VPS50: variants seen among roughly 807,000 people sequenced by gnomAD.
VPS50 encodes the protein syndetin.
VPS50 carries 70 observed loss-of-function variants against 139.7 expected under a neutral mutation model. The ratio of observed to expected loss-of-function variants is 0.50; its 90% CI spans 0.41 to 0.61. The LOEUF is 0.61. VPS50 is among the 20% of genes least tolerant of loss of function. The pLI, the probability that VPS50 is intolerant of heterozygous loss-of-function variation, is 0.00. For missense variants in VPS50, 921 were observed against 1,133.7 expected (o/e 0.81, Z 2.69); for synonymous variants, 365 against 376.7 (o/e 0.97, Z 0.36).
At chr7:93,251,221 G>A (rs562660694) in intron 2 of VPS50, among the ~76,000 whole-genome samples, 211 of 152,236 alleles carry the variant, frequency 1.4e-3, no homozygotes, top group Non-Finnish European at 2.6e-3. Context: ...ACAGATACAT[G>A]CACACGCATG....
At chr7:93,355,810 T>G (rs1798690260) in intron 26 of VPS50, 81 bp from the exon 27 acceptor site, 2 of 725,472 alleles carry the variant, frequency 2.8e-6, no homozygotes, top group Admixed American at 5.6e-5. Flanking sequence ...AAATATAGGT[T>G]AGAGAAAACT....
chr7:93,337,763 A>G (rs1231199775), intron 22 of VPS50, among the ~76,000 whole-genome samples: 1 of 152,130 alleles, frequency 6.6e-6, no homozygotes, highest in Non-Finnish European at 1.5e-5. Context: ...AAGGAAACTT[A>G]TCTGTGCTCA....
chr7:93,241,339 A>G (rs1794983091), intron 2 of VPS50, among the ~76,000 whole-genome samples: 1 of 152,094 alleles, frequency 6.6e-6, no homozygotes, highest in African/African-American at 2.4e-5. Flanking sequence ...TACTTTTAGG[A>G]TAACTGGCCT....
At position 93,334,132 on chromosome 7, in the gene VPS50, C is replaced by A; in HGVS notation, c.1993C>A (p.Leu665Ile). The stretch of plus-strand genomic sequence containing the variant: ...TCTTTTTCAGTTGGAATCAACTGGA[C>A]TCGGCCTTAGTAGTAGTAGACTAAG... Reference protein sequence around the residue: ...GRNDSLESTGLGLSSSRLRTT... With the variant: ...GRNDSLESTGIGLSSSRLRTT... Residue 665 changes from leucine (L) to isoleucine (I), a missense_variant, in exon 22 of 28, where the codon CTC becomes ATC. Leu to Ile is a conservative substitution (Grantham distance 5, BLOSUM62 2). This residue lies in a region of VPS50 where 744 missense variants were observed against 930.6 expected (regional missense o/e 0.80). Coordinates refer to ENST00000305866, the MANE Select transcript of VPS50 (RefSeq NM_017667.4). 1.3e-6 allele frequency: 2 copies of A among 1,593,990 alleles called. No individual in the cohort carries two copies. The highest frequency in any genetic ancestry group is 1.7e-6 in the Non-Finnish European group (2 of 1,165,124).
chr7:93,344,721 A>C (rs567021475), intron 23 of VPS50, among the ~76,000 whole-genome samples: 28 of 151,706 alleles, frequency 1.8e-4, no homozygotes, highest in Non-Finnish European at 3.1e-4. Flanking sequence ...CCTGCTCCTG[A>C]ATAACTACTG....
rs531501789 is a variant in VPS50, at chr7:93,315,085, C to T, written c.1855+3813C>T. On this transcript the variant is annotated intron_variant, in intron 20 of 27. Coordinates refer to ENST00000305866, the MANE Select transcript of VPS50 (RefSeq NM_017667.4). ...AGTGTTAGTACAAATATATTTAATA[C>T]GTATATCTCCTCTCTCCTATTTTTT... is the stretch of plus-strand genomic sequence containing the variant. 6.6e-5 allele frequency among the ~76,000 whole-genome samples: 10 copies of T among 152,188 alleles called. No homozygotes were observed. The East Asian group carries it at 1.5e-3, about 24-fold the overall frequency.
chr7:93,317,267 T>C (rs1272477863), intron 20 of VPS50, among the ~76,000 whole-genome samples: 3 of 152,160 alleles, frequency 2.0e-5, no homozygotes, highest in Non-Finnish European at 4.4e-5. Context: ...CACAGATTGC[T>C]GGCCAGGTTT....
At chr7:93,329,016 G>A (rs1797862869) in intron 21 of VPS50, among the ~76,000 whole-genome samples, 1 of 152,100 alleles carries the variant, frequency 6.6e-6, no homozygotes, top group African/African-American at 2.4e-5. Context: ...GAAAACAAAG[G>A]AAATGGTATT....
chr7:93,304,913 T>C (rs1431311966), intron 17 of VPS50, among the ~76,000 whole-genome samples: 2 of 151,890 alleles, frequency 1.3e-5, no homozygotes, highest in African/African-American at 4.8e-5. Context: ...ATATATATGA[T>C]TAAATGTATA....
At chr7:93,290,934 C>A (rs1165213761) in intron 12 of VPS50, among the ~76,000 whole-genome samples, 2 of 151,980 alleles carry the variant, frequency 1.3e-5, no homozygotes, top group African/African-American at 2.4e-5. Context: ...TTTACTTACA[C>A]CAGAGTCTTC....
chr7:93,321,048 G>C (rs1797600232), intron 20 of VPS50: 1 of 152,008 alleles, frequency 6.6e-6, no homozygotes, highest in Non-Finnish European at 1.5e-5. Flanking sequence ...AAGTTTTATT[G>C]GCACACCCAT....
intron 23 of VPS50, among the ~76,000 whole-genome samples, chr7:93,344,625 A>G (rs1798333505): frequency 6.6e-6 from 1 of 151,838 alleles, no homozygotes; most frequent in Non-Finnish European, 1.5e-5. Flanking sequence ...AATTATAACA[A>G]ACTATCTCTC....
At chr7:93,303,994 G>A (rs1464657631) in intron 17 of VPS50, among the ~76,000 whole-genome samples, 2 of 151,676 alleles carry the variant, frequency 1.3e-5, no homozygotes, top group Non-Finnish European at 3.0e-5. Flanking sequence ...TCTTAAATTT[G>A]CCTGTAATGA....
At position 93,241,688 on chromosome 7, in the gene VPS50, C is replaced by CT. The variant is rs137927822; in HGVS notation, c.102+1755dup. ...GAGTGGCAAAGCTCCAGTCAGTAAA[C>CT]TGAGTCTTTGGATGAGGTTTGAAGT... On this transcript the variant is annotated intron_variant, in intron 2 of 27. Coordinates refer to ENST00000305866, the MANE Select transcript of VPS50 (RefSeq NM_017667.4). Among the ~76,000 whole-genome samples, 680 of 152,020 alleles carry CT rather than the reference C, an allele frequency of 4.5e-3. 7 individuals carry two copies. The highest frequency in any genetic ancestry group is 0.016 in the African/African-American group (655 of 41,478).
rs1372477793 is a variant in VPS50 at position 93,311,281 on chromosome 7, C to G, written c.1855+9C>G. On this transcript the variant is annotated intron_variant, in intron 20 of 27. Transcript: ENST00000305866. ...CGTCATAAGACTTGTTGGTAAGTAG[C>G]TACACCTTTAAAAAAAATTATAACA... The G allele has an allele frequency of 1.0e-5, 10 of 962,414 alleles. No homozygotes were observed. The South Asian group carries it at 1.3e-4, about 13-fold the overall frequency. The allele number at this position is 962,414 out of a possible 1,614,324, so 59.6% of individuals were successfully genotyped here. A position where few individuals can be genotyped will look rare whatever the true frequency, so the allele number is the denominator to read the frequency against.
intron 20 of VPS50, among the ~76,000 whole-genome samples, chr7:93,316,649 G>A (rs1797437540): frequency 6.6e-6 from 1 of 152,170 alleles, no homozygotes; most frequent in South Asian, 2.1e-4. Context: ...AAGGGAAGAT[G>A]AGAGGAAGAC....
At position 93,259,849 on chromosome 7, in the gene VPS50, A is replaced by G. The variant is rs536583609; in HGVS notation, c.659+217A>G. 5.3e-4 allele frequency among the ~76,000 whole-genome samples: 80 copies of G among 152,294 alleles called. 1 individual carries two copies. Among genetic ancestry groups the G allele is most frequent in the African/African-American group, 1.9e-3 (77 of 41,576 alleles). ...CATTCCTGCTTTTTCTTGTCACCTC[A>G]TTGAAACTCATTTTTCATATTTTTT... On this transcript the variant is annotated intron_variant, in intron 9 of 27. Coordinates refer to ENST00000305866, the MANE Select transcript of VPS50 (RefSeq NM_017667.4).
intron 11 of VPS50, among the ~76,000 whole-genome samples, chr7:93,273,817 C>T (rs1319371388): frequency 1.3e-5 from 2 of 152,106 alleles, no homozygotes; most frequent in African/African-American, 4.8e-5. Flanking sequence ...CTGCATCAAG[C>T]AAGTCTGTCA....
At chr7:93,283,975 T>C (rs1382129197) in intron 12 of VPS50, among the ~76,000 whole-genome samples, 2 of 152,200 alleles carry the variant, frequency 1.3e-5, no homozygotes, top group Non-Finnish European at 1.5e-5. Context: ...GAGTAACTAG[T>C]GTTAACTGTC....
Sources: gnomAD v4.1 joint callset for allele counts (sites outside exome capture counted in the v4.1 genomes callset) on GRCh38, gnomAD v4.1.1 for gene constraint, gnomAD v4.1.1 regional missense constraint, MANE v1.5 for transcripts, NCBI Gene and HGNC (gene_info 2026-07-23, HGNC 2026-07-21) for gene names.